TATDN1: variants seen among roughly 807,000 people sequenced by gnomAD.
TATDN1 encodes the protein deoxyribonuclease TATDN1.
TATDN1 carries 40 observed loss-of-function variants against 46.4 expected under a neutral mutation model. The observed-to-expected ratio is 0.86, with a 90% CI of 0.67 to 1.12. The LOEUF (loss-of-function observed/expected upper bound fraction) is 1.12, where lower values mean the gene tolerates loss of function less well. TATDN1 is among the 50% of genes most tolerant of loss of function. TATDN1 has a pLI of 0.00. For missense variants in TATDN1, 326 were observed against 348.4 expected, an observed-to-expected ratio of 0.94 and a Z score of 0.51; for synonymous variants, 95 against 105.6, an observed-to-expected ratio of 0.90 and a Z score of 0.62.
chr8:124,538,097 T>C (rs1821638887), intron 1 of TATDN1, among the ~76,000 whole-genome samples: 1 of 152,212 alleles, frequency 6.6e-6, no homozygotes, highest in South Asian at 2.1e-4. Context: ...TGGACCTGGG[T>C]ACCTCTCTTC....
Position 124,518,862 on chromosome 8 carries a change from T to C in TATDN1, c.158A>G (p.Asn53Ser), listed in dbSNP as rs1819783271. ...GVKKFMITGG[N>S]LQDSKDALHL... ...CAGTGCATCTTTACTGTCTTGTAGA[T>C]TTCCACCTGTAATCATAAACTGAAA... is the stretch of plus-strand genomic sequence containing the variant. Residue 53 changes from asparagine to serine, a missense_variant, in exon 4 of 12, where the codon AAT becomes AGT. Coordinates refer to ENST00000276692, the MANE Select transcript of TATDN1 (RefSeq NM_032026.4). 2 of 1,610,714 alleles carry C rather than the reference T, an allele frequency of 1.2e-6. No individual in the cohort carries two copies. Among genetic ancestry groups the C allele is most frequent in the South Asian group, 1.1e-5 (1 of 90,748 alleles).
intron 1 of TATDN1, among the ~76,000 whole-genome samples, chr8:124,531,430 G>A (rs112064462): frequency 1.6e-3 from 250 of 152,284 alleles, no homozygotes; most frequent in African/African-American, 5.7e-3. Context: ...GGGGTAATAG[G>A]CACAGTGAAA....
intron 11 of TATDN1, chr8:124,489,735 T>TA (rs545525864): frequency 1.3e-5 from 2 of 152,216 alleles, no homozygotes; most frequent in South Asian, 4.1e-4. Flanking sequence ...TTTCTGTGCT[T>TA]ACAGTAATGA....
At chr8:124,495,000 G>A (rs1216798694) in intron 10 of TATDN1, 4 of 158,452 alleles carry the variant, frequency 2.5e-5, no homozygotes, top group African/African-American at 9.6e-5. Context: ...GGGAATACAG[G>A]CGTGAGCCAC....
intron 1 of TATDN1, among the ~76,000 whole-genome samples, chr8:124,527,336 C>G (rs1021330802): frequency 2.0e-5 from 3 of 152,064 alleles, no homozygotes; most frequent in Non-Finnish European, 2.9e-5. Flanking sequence ...CTGAGTAAAC[C>G]AGCCAGAACT....
At chr8:124,506,316 CAG>C (rs1268619134) in intron 8 of TATDN1, among the ~76,000 whole-genome samples, 1 of 110,788 alleles carries the variant, frequency 9.0e-6, no homozygotes, top group Non-Finnish European at 1.7e-5. Context: ...GCCTGGGTGA[CAG>C]AGCAAGGCTC....
At chr8:124,526,074 G>A (rs1240573277) in intron 1 of TATDN1, among the ~76,000 whole-genome samples, 1 of 152,162 alleles carries the variant, frequency 6.6e-6, no homozygotes, top group African/African-American at 2.4e-5. Flanking sequence ...GCCCTAAAAT[G>A]CCATACACCC....
At chr8:124,512,647 G>A (rs1819124760) in intron 6 of TATDN1, among the ~76,000 whole-genome samples, 1 of 152,204 alleles carries the variant, frequency 6.6e-6, no homozygotes, top group Non-Finnish European at 1.5e-5. Flanking sequence ...CATGTGCTGA[G>A]AGTACTGTGC....
At chr8:124,518,728 C>T in intron 4 of TATDN1, 90 bp downstream of exon 4, 3 of 870,682 alleles carry the variant, frequency 3.4e-6, no homozygotes, top group Non-Finnish European at 5.8e-6. Context: ...CAGTCATGAT[C>T]CATTGTATTG....
At chr8:124,506,227 C>CG (rs1470055276) in intron 8 of TATDN1, among the ~76,000 whole-genome samples, 1 of 143,706 alleles carries the variant, frequency 7.0e-6, no homozygotes, top group African/African-American at 2.6e-5. Flanking sequence ...CCCAGCTACT[C>CG]GGGAGGCTGA....
intron 9 of TATDN1, among the ~76,000 whole-genome samples, chr8:124,498,816 A>G (rs1470051248): frequency 6.6e-6 from 1 of 151,662 alleles, no homozygotes; most frequent in Non-Finnish European, 1.5e-5. Flanking sequence ...ACACCCAGCT[A>G]ATTTTTTTTA....
At chr8:124,509,014 G>A (rs1818774474) in intron 6 of TATDN1, among the ~76,000 whole-genome samples, 1 of 152,168 alleles carries the variant, frequency 6.6e-6, no homozygotes, top group African/African-American at 2.4e-5. Context: ...GCTTCATACT[G>A]CATGCTAATC....
intron 1 of TATDN1, among the ~76,000 whole-genome samples, chr8:124,537,592 GGATTT>G (rs1297846780): frequency 6.6e-6 from 1 of 152,140 alleles, no homozygotes; most frequent in Non-Finnish European, 1.5e-5. Context: ...CATGGAGGAT[GGATTT>G]AAGACATTAA....
chr8:124,500,797 AT>A lies in TATDN1; in HGVS notation c.593+3473del, dbSNP rs1817899053. 3.3e-5 allele frequency among the ~76,000 whole-genome samples: 5 copies of A among 151,934 alleles called. No individual in the cohort carries two copies. In the South Asian group the frequency reaches 1.0e-3, roughly 32 times the overall value. On this transcript the variant is annotated intron_variant, in intron 9 of 11. Transcript: ENST00000276692. The stretch of plus-strand genomic sequence containing the variant: ...CCAAACTTACAGGGAGAAAACCAGG[AT>A]TTTTTTAAATGAAACTAGGAGACAT...
At chr8:124,517,253 C>A (rs568827172) in intron 4 of TATDN1, among the ~76,000 whole-genome samples, 59 of 152,118 alleles carry the variant, frequency 3.9e-4, no homozygotes, top group African/African-American at 1.2e-3. Flanking sequence ...CATGGTGAAA[C>A]CCCGTCTCTA....
intron 9 of TATDN1, among the ~76,000 whole-genome samples, chr8:124,501,685 G>A (rs1817977535): frequency 6.6e-6 from 1 of 151,688 alleles, no homozygotes; most frequent in Admixed American, 6.6e-5. Context: ...TTTGGAAGGA[G>A]GGAAACAATG....
chr8:124,491,446 A>G (rs773117710), intron 11 of TATDN1: 1 of 152,312 alleles, frequency 6.6e-6, no homozygotes, highest in African/African-American at 2.4e-5. Context: ...TCACCTTGGT[A>G]TAACTCTCTC....
At chr8:124,526,452 ATAGT>A (rs1238389563) in intron 1 of TATDN1, among the ~76,000 whole-genome samples, 1 of 152,256 alleles carries the variant, frequency 6.6e-6, no homozygotes, top group Non-Finnish European at 1.5e-5. Context: ...CCAGCTAAAG[ATAGT>A]AAGTAGCTTG....
At chr8:124,495,249 C>T in intron 10 of TATDN1, 1 of 519,334 alleles carries the variant, frequency 1.9e-6, no homozygotes, top group Non-Finnish European at 3.4e-6. Context: ...ATCTCATTTT[C>T]TAAGTGCTTA....
Sources: allele counts gnomAD v4.1 joint callset (sites outside exome capture counted in the v4.1 genomes callset), GRCh38; gene constraint gnomAD v4.1.1; transcripts MANE v1.5; gene names NCBI Gene and HGNC (gene_info 2026-07-23, HGNC 2026-07-21).